ARMC9: variants seen among roughly 807,000 people sequenced by gnomAD.
ARMC9 encodes the protein armadillo repeat containing 9.
In ARMC9, 94 loss-of-function variants were observed where a neutral mutation model predicts 107.0. That is an observed-to-expected ratio of 0.88 (90% CI 0.74 to 1.04). The LOEUF (loss-of-function observed/expected upper bound fraction) is 1.04, where lower values mean the gene tolerates loss of function less well. ARMC9 is among the 50% of genes least tolerant of loss of function. The pLI is 0.00. For missense variants in ARMC9, 942 were observed against 1,030.1 expected, an observed-to-expected ratio of 0.91 and a Z score of 1.17; for synonymous variants, 380 against 396.9, an observed-to-expected ratio of 0.96 and a Z score of 0.51.
intron 2 of ARMC9, among the ~76,000 whole-genome samples, chr2:231,207,290 G>T (rs1239268062): frequency 6.6e-6 from 1 of 152,180 alleles, no homozygotes; most frequent in East Asian, 1.9e-4. Flanking sequence ...TTGCAGGCAT[G>T]AGCCACTGCA....
At chr2:231,338,639 A>G (rs1251305126) in intron 20 of ARMC9, among the ~76,000 whole-genome samples, 1 of 148,798 alleles carries the variant, frequency 6.7e-6, no homozygotes, top group Non-Finnish European at 1.5e-5. Context: ...TCCTAGGCTT[A>G]AACGATCTTC....
chr2:231,317,500 G>GT (rs966567077), intron 19 of ARMC9, among the ~76,000 whole-genome samples: 17 of 150,540 alleles, frequency 1.1e-4, no homozygotes, highest in Admixed American at 4.0e-4. Context: ...AAGTTACAGT[G>GT]TTTTTTTTGT....
At chr2:231,226,742 G>T (rs1342367279) in intron 6 of ARMC9, 32 bp from the exon 7 acceptor site, 1 of 1,610,158 alleles carries the variant, frequency 6.2e-7, no homozygotes, top group African/African-American at 1.3e-5. Flanking sequence ...TTCCCTGAAT[G>T]CCTGTTTTCC....
intron 3 of ARMC9, among the ~76,000 whole-genome samples, chr2:231,209,707 A>C (rs2032553795): frequency 6.6e-6 from 1 of 151,936 alleles, no homozygotes; most frequent in Admixed American, 6.6e-5. Context: ...AGCTGGTTTT[A>C]GTATTTTTAT....
At chr2:231,217,354 T>TG in intron 5 of ARMC9, among the ~76,000 whole-genome samples, 1 of 152,174 alleles carries the variant, frequency 6.6e-6, no homozygotes, top group East Asian at 1.9e-4. Flanking sequence ...GAGGCCGAGG[T>TG]GGGTGCATCA....
At chr2:231,225,136 A>G (rs2034518464) in intron 6 of ARMC9, among the ~76,000 whole-genome samples, 1 of 152,228 alleles carries the variant, frequency 6.6e-6, no homozygotes, top group Admixed American at 6.5e-5. Flanking sequence ...AAAGTACAGA[A>G]AGGTTTTTAA....
intron 23 of ARMC9, among the ~76,000 whole-genome samples, chr2:231,367,809 C>T (rs1314891476): frequency 2.6e-5 from 4 of 151,500 alleles, no homozygotes; most frequent in African/African-American, 9.7e-5. Context: ...ATTGTGAAAC[C>T]CTGTCTCTTC....
intron 15 of ARMC9, among the ~76,000 whole-genome samples, chr2:231,277,024 A>G (rs1442093820): frequency 6.6e-6 from 1 of 152,216 alleles, no homozygotes; most frequent in Non-Finnish European, 1.5e-5. Flanking sequence ...AAGTTCATTT[A>G]CCTTTTTCTT....
intron 8 of ARMC9, among the ~76,000 whole-genome samples, chr2:231,239,182 G>A (rs1256736001): frequency 6.6e-6 from 1 of 152,120 alleles, no homozygotes; most frequent in Non-Finnish European, 1.5e-5. Context: ...AGAGGTTGTG[G>A]TACTTGTACA....
In ARMC9 at chr2:231,240,483, C is replaced by G. The variant is rs74894704; in HGVS notation, c.879+442C>G. 5.6e-3 allele frequency among the ~76,000 whole-genome samples: 849 copies of G among 152,342 alleles called. 7 individuals are homozygous for G. Among genetic ancestry groups the G allele is most frequent in the African/African-American group, 0.019 (798 of 41,578 alleles). The stretch of plus-strand genomic sequence containing the variant: ...ACCCTTCACCCAGAGTCACCCGCTG[C>G]TAGCATTGGCCCCTTCCTTTGTTGT... On this transcript the variant is annotated intron_variant, in intron 9 of 24. Transcript: ENST00000611582.
At chr2:231,200,415 C>T (rs1227261797) in intron 1 of ARMC9, among the ~76,000 whole-genome samples, 2 of 152,228 alleles carry the variant, frequency 1.3e-5, no homozygotes, top group Admixed American at 6.5e-5. Flanking sequence ...GGTGCAGTGG[C>T]TCATGCCTGT....
At chr2:231,305,491 C>A (rs1034737923) in intron 19 of ARMC9, among the ~76,000 whole-genome samples, 1 of 152,200 alleles carries the variant, frequency 6.6e-6, no homozygotes, top group Non-Finnish European at 1.5e-5. Context: ...CAAATCCAGG[C>A]GTAGTTCTGC....
chr2:231,227,521 T>C (rs1227453549), intron 7 of ARMC9, among the ~76,000 whole-genome samples: 1 of 152,190 alleles, frequency 6.6e-6, no homozygotes, highest in East Asian at 1.9e-4. Flanking sequence ...CTACAGGAGA[T>C]CTTGTTCCAT....
chr2:231,345,367 T>C (rs1401405027), intron 21 of ARMC9, among the ~76,000 whole-genome samples: 1 of 152,160 alleles, frequency 6.6e-6, no homozygotes, highest in African/African-American at 2.4e-5. Flanking sequence ...AGAAGGGACC[T>C]GAAAGGAATC....
chr2:231,256,699 C>T (rs2037851475), intron 10 of ARMC9, 79 bp downstream of exon 10: 7 of 1,467,144 alleles, frequency 4.8e-6, no homozygotes, highest in Non-Finnish European at 9.5e-7. Flanking sequence ...CTTTAATAAA[C>T]ACTTAGCAGC....
intron 7 of ARMC9, 37 bp from the exon 8 acceptor site, chr2:231,235,186 AT>A: frequency 6.3e-7 from 1 of 1,581,056 alleles, no homozygotes; most frequent in East Asian, 2.3e-5. Flanking sequence ...CATATTGTGG[AT>A]TTTTATTGAT....
intron 8 of ARMC9, among the ~76,000 whole-genome samples, chr2:231,237,747 CTATATGTATATA>C (rs1553601862): frequency 2.0e-5 from 1 of 49,378 alleles, no homozygotes; most frequent in Non-Finnish European, 3.4e-5. Context: ...TTGTTCTTGG[CTATATGTATATA>C]TATATATATA....
Position 231,276,339 on chromosome 2 carries a change from C to T in ARMC9, c.1335-297C>T, listed in dbSNP as rs374284309. ...AGGCTGGAGTGCAGTGGTACGATCTCGGCTCACTGCAACCTCTGCCTCCCG... is the reference window on the plus strand; with the variant it reads ...AGGCTGGAGTGCAGTGGTACGATCTTGGCTCACTGCAACCTCTGCCTCCCG... On this transcript the variant is annotated intron_variant, in intron 14 of 24. Coordinates refer to ENST00000611582, the MANE Select transcript of ARMC9 (RefSeq NM_001352754.2). 9.3e-5 allele frequency among the ~76,000 whole-genome samples: 14 copies of T among 151,124 alleles called. No homozygotes were observed. In the East Asian group the frequency reaches 2.1e-3, roughly 23 times the overall value.
intron 18 of ARMC9, chr2:231,294,095 C>T (rs189556693): frequency 6.6e-6 from 1 of 152,324 alleles, no homozygotes; most frequent in East Asian, 1.9e-4. Context: ...ACGTCCAAGT[C>T]CAATCACAGT....
Sources: allele counts gnomAD v4.1 joint callset (sites outside exome capture counted in the v4.1 genomes callset), GRCh38; gene constraint gnomAD v4.1.1; transcripts MANE v1.5; gene names NCBI Gene and HGNC (gene_info 2026-07-23, HGNC 2026-07-21).